The following ABCG2 variants were observed in gnomAD, a reference collection of about 807,000 sequenced individuals.
ABCG2 encodes the protein ATP binding cassette subfamily G member 2 (JR blood group).
Under a neutral mutation model 73.5 loss-of-function variants are expected in ABCG2, and 80 were observed. That is an observed-to-expected ratio of 1.09 (90% confidence interval 0.91 to 1.31). ABCG2 has a LOEUF of 1.31. Among genes scored for constraint, ABCG2 ranks in the 50% most tolerant of loss-of-function variants. The pLI, the probability that ABCG2 is intolerant of heterozygous loss-of-function variation, is 0.00. For synonymous variants in ABCG2, 269 were observed against 282.4 expected, an observed-to-expected ratio of 0.95 and a Z score of 0.48; for missense variants, 796 against 786.2, an observed-to-expected ratio of 1.01 and a Z score of -0.15.
At chr4:88,092,544 T>C (rs1721707660) in intron 15 of ABCG2, among the ~76,000 whole-genome samples, 163 bp from the exon 16 acceptor site, 1 of 152,220 alleles carries the variant, frequency 6.6e-6, no homozygotes, top group Non-Finnish European at 1.5e-5. Flanking sequence ...ACAATTTTGC[T>C]AGACACTAAC....
chr4:88,128,303 A>G (rs886236874), intron 5 of ABCG2, among the ~76,000 whole-genome samples: 1 of 152,196 alleles, frequency 6.6e-6, no homozygotes, highest in Non-Finnish European at 1.5e-5. Context: ...GAGAAATAAG[A>G]ATGCTTTTAC....
chr4:88,151,615 G>A (rs900387941), intron 1 of ABCG2, among the ~76,000 whole-genome samples: 5 of 151,950 alleles, frequency 3.3e-5, no homozygotes, highest in Admixed American at 1.3e-4. Context: ...GAGGGGCGCC[G>A]GTAGTCCCAG....
chr4:88,209,719 A>G (rs149627981), intron 1 of ABCG2, among the ~76,000 whole-genome samples: 187 of 152,278 alleles, frequency 1.2e-3, no homozygotes, highest in African/African-American at 4.2e-3. Context: ...TTCTATAAGT[A>G]AAAAATAAAA....
chr4:88,137,907 T>TG (rs1224708216), intron 2 of ABCG2, among the ~76,000 whole-genome samples: 3 of 152,254 alleles, frequency 2.0e-5, no homozygotes, highest in African/African-American at 4.8e-5. Flanking sequence ...ATAACCCCAG[T>TG]GCTTTGGGAG....
intron 1 of ABCG2, among the ~76,000 whole-genome samples, chr4:88,229,399 G>A (rs374791394): frequency 5.9e-5 from 9 of 152,256 alleles, no homozygotes; most frequent in South Asian, 2.1e-4. Context: ...AGCACTTTAG[G>A]AGGCCGAGAT....
chr4:88,229,125 T>C (rs957328449), intron 1 of ABCG2, among the ~76,000 whole-genome samples: 1 of 152,194 alleles, frequency 6.6e-6, no homozygotes, highest in African/African-American at 2.4e-5. Context: ...TGCTGCTCAC[T>C]CTTTGGGTCC....
chr4:88,098,436 C>A (rs1438816159), intron 12 of ABCG2, among the ~76,000 whole-genome samples: 6 of 151,708 alleles, frequency 4.0e-5, no homozygotes, highest in Middle Eastern at 6.8e-3. Flanking sequence ...ATCTACCAAA[C>A]AAGTATTTTT....
intron 1 of ABCG2, among the ~76,000 whole-genome samples, chr4:88,200,408 A>G (rs1463069147): frequency 1.3e-5 from 2 of 151,978 alleles, no homozygotes; most frequent in Non-Finnish European, 2.9e-5. Context: ...GCCTCAAGTG[A>G]TCCTCCCACC....
rs111734954 is a variant in ABCG2 at position 88,186,545 on chromosome 4, G to A, written c.-20+44449C>T. Among the ~76,000 whole-genome samples the A allele has an allele frequency of 1.7e-3, 252 of 152,278 alleles. 2 individuals are homozygous for A. The highest frequency in any genetic ancestry group is 2.8e-3 in the Non-Finnish European group (190 of 68,024). On this transcript the variant is annotated intron_variant, in intron 1 of 15. Coordinates refer to the ABCG2 transcript ENST00000515655. ...AATGCCAGCAATATGGGAAGCTGAG[G>A]CAGGCAGATCACTTGAGATCAGGAG...
chr4:88,092,359 C>T lies in ABCG2; in HGVS notation c.1843G>A (p.Val615Ile). ...YATCTGEEYL[V>I]KQGIDLSPWG... ...GGTGAGAGATCGATGCCCTGCTTTA[C>T]CAAATATTCTTCGCCAGTACATCTG... is the stretch of plus-strand genomic sequence containing the variant. The change falls in exon 16 of 16, where the codon GTA becomes ATA. Residue 615 changes from valine to isoleucine, a missense_variant. Physicochemically the swap from Val to Ile is conservative, Grantham distance 29 (BLOSUM62 3). Coordinates refer to ENST00000237612, the MANE Select transcript of ABCG2 (RefSeq NM_004827.3). The T allele has an allele frequency of 6.2e-7, 1 of 1,611,094 alleles. No homozygotes were observed. Among genetic ancestry groups the T allele is most frequent in the Non-Finnish European group, 8.5e-7 (1 of 1,179,344 alleles).
At chr4:88,228,565 C>T (rs1730319580) in intron 1 of ABCG2, among the ~76,000 whole-genome samples, 2 of 152,192 alleles carry the variant, frequency 1.3e-5, no homozygotes, top group South Asian at 4.1e-4. Flanking sequence ...CCTCTGATTA[C>T]AGACCATAGT....
intron 1 of ABCG2, among the ~76,000 whole-genome samples, chr4:88,201,963 T>C (rs1393059873): frequency 6.6e-6 from 1 of 152,136 alleles, no homozygotes; most frequent in Non-Finnish European, 1.5e-5. Context: ...TGGAGTCTCC[T>C]GGAAGAAATT....
At chr4:88,225,387 G>A (rs1043963428) in intron 1 of ABCG2, among the ~76,000 whole-genome samples, 6 of 152,196 alleles carry the variant, frequency 3.9e-5, no homozygotes, top group African/African-American at 1.4e-4. Flanking sequence ...GTCACAGTTT[G>A]GCATTTTCAA....
chr4:88,189,839 G>A (rs1380574828), intron 1 of ABCG2, among the ~76,000 whole-genome samples: 1 of 152,094 alleles, frequency 6.6e-6, no homozygotes, highest in Non-Finnish European at 1.5e-5. Flanking sequence ...CAGTTTGATG[G>A]CACCATTGAT....
At chr4:88,149,792 G>A (rs568681551) in intron 1 of ABCG2, among the ~76,000 whole-genome samples, 27 of 152,000 alleles carry the variant, frequency 1.8e-4, no homozygotes, top group African/African-American at 6.3e-4. Flanking sequence ...CAGAGGTTGC[G>A]GTGAGCTGAG....
intron 1 of ABCG2, among the ~76,000 whole-genome samples, chr4:88,179,986 A>C (rs1270742319): frequency 6.6e-6 from 1 of 152,186 alleles, no homozygotes. Flanking sequence ...GGCCTTAAAG[A>C]GGAGGTAGAG....
chr4:88,165,914 T>G (rs1273684324), intron 1 of ABCG2, among the ~76,000 whole-genome samples: 1 of 151,900 alleles, frequency 6.6e-6, no homozygotes, highest in African/African-American at 2.4e-5. Flanking sequence ...AGATTAACAA[T>G]CTTCATTTCA....
chr4:88,189,825 C>A (rs1728611784), intron 1 of ABCG2, among the ~76,000 whole-genome samples: 1 of 152,168 alleles, frequency 6.6e-6, no homozygotes, highest in African/African-American at 2.4e-5. Flanking sequence ...AAGCGAAAAA[C>A]TTTCAGTTTG....
chr4:88,121,934 TAGAAAAAGTAGGTATCTCTTTTATCAG>T lies in ABCG2; in HGVS notation c.532-169_532-143del. On this transcript the variant is annotated intron_variant, in intron 5 of 15. Coordinates refer to ENST00000237612, the MANE Select transcript of ABCG2 (RefSeq NM_004827.3). ...GAACAGCAAATAAGTGGATACCTGG[TAGAAAAAGTAGGTATCTCTTTTATCAG>T]ATGAGTAAACTTAGGTTCAGGTCAC... is the stretch of plus-strand genomic sequence containing the variant. The T allele has an allele frequency of 6.4e-6, 5 of 779,912 alleles. No individual in the cohort carries two copies. The South Asian group carries it at 9.6e-5, about 15-fold the overall frequency. The allele number at this position is 779,912 out of a possible 1,614,324, so 48.3% of individuals were successfully genotyped here. A position where few individuals can be genotyped will look rare whatever the true frequency, so the allele number is the denominator to read the frequency against.
Sources: allele counts gnomAD v4.1 joint callset (sites outside exome capture counted in the v4.1 genomes callset), GRCh38; gene constraint gnomAD v4.1.1; transcripts MANE v1.5; gene names NCBI Gene and HGNC (gene_info 2026-07-23, HGNC 2026-07-21).